ABCA7: variants seen among roughly 807,000 people sequenced by gnomAD.
ABCA7 encodes the protein ATP binding cassette subfamily A member 7.
In ABCA7, 261 loss-of-function variants were observed where a neutral mutation model predicts 227.6. The ratio of observed to expected loss-of-function variants is 1.15; its 90% CI spans 1.04 to 1.27. The LOEUF is 1.27. Ranked by LOEUF, ABCA7 falls within the 50% of genes most tolerant of loss-of-function variation. The probability of loss-of-function intolerance (pLI) is 0.00; values close to 1 mark genes in which losing one functional copy is unlikely to be tolerated. For missense variants in ABCA7, 3,331 were observed against 2,924.5 expected (o/e 1.14, Z -3.21); for synonymous variants, 1,488 against 1,279.7 (o/e 1.16, Z -3.47).
chr19:1,063,881 G>T lies in ABCA7; in HGVS notation c.5951+18G>T. The T allele has an allele frequency of 6.6e-7, 1 of 1,516,380 alleles. No homozygotes were observed. The highest frequency in any genetic ancestry group is 8.8e-7 in the Non-Finnish European group (1 of 1,131,106). The allele number at this position is 1,516,380 out of a possible 1,614,324, so 93.9% of individuals were successfully genotyped here. A position where few individuals can be genotyped will look rare whatever the true frequency, so the allele number is the denominator to read the frequency against. Reference sequence around the variant, plus strand: ...TCCCATAGGTGGGCCGGGCTCTGATGCCCTGGGCTGTGGTTAAGGTGATCC... The same window carrying T: ...TCCCATAGGTGGGCCGGGCTCTGATTCCCTGGGCTGTGGTTAAGGTGATCC... On this transcript the variant is annotated intron_variant, in intron 44 of 46. Coordinates refer to ENST00000263094, the MANE Select transcript of ABCA7 (RefSeq NM_019112.4).
At chr19:1,061,126 G>A (rs977103440) in intron 40 of ABCA7, among the ~76,000 whole-genome samples, 1 of 152,208 alleles carries the variant, frequency 6.6e-6, no homozygotes, top group Admixed American at 6.5e-5. Flanking sequence ...GCCAGGCGTG[G>A]TGGCTCACAG....
chr19:1,057,065 G>A lies in ABCA7; in HGVS notation c.4745G>A (p.Gly1582Asp), dbSNP rs2042318363. The A allele has an allele frequency of 1.2e-6, 2 of 1,612,950 alleles. No individual in the cohort carries two copies. Among genetic ancestry groups the A allele is most frequent in the East Asian group, 2.2e-5 (1 of 44,892 alleles). The stretch of plus-strand genomic sequence containing the variant: ...CTGTCCCCCACCCTCTACTGGCTTG[G>A]CAACTTTCTCTGGGACATGGTGCGG... Reference protein sequence around the residue: ...GGLSPTLYWLGNFLWDMCNYL... With the variant: ...GGLSPTLYWLDNFLWDMCNYL... The change falls in exon 34 of 47, where the codon GGC becomes GAC. Residue 1582 changes from glycine (G) to aspartate (D), a missense_variant. Transcript: ENST00000263094.
intron 16 of ABCA7, among the ~76,000 whole-genome samples, chr19:1,048,580 T>C (rs1400590971): frequency 1.5e-5 from 2 of 129,936 alleles, no homozygotes; most frequent in African/African-American, 5.9e-5. Flanking sequence ...GAGGCCGAGG[T>C]GGGCAGATCA....
Position 1,042,754 on chromosome 19 carries a change from G to A in ABCA7, c.507G>A (p.Leu169=), listed in dbSNP as rs1342998470. 1 of 1,613,374 alleles carries A rather than the reference G, an allele frequency of 6.2e-7. No individual in the cohort carries two copies. The highest frequency in any genetic ancestry group is 8.5e-7 in the Non-Finnish European group (1 of 1,179,964). ...GTGGTCTTTCTCCCCAGGAATCCCTGGGGTTGGCACTGGGCCAAGCCCAGG... is the reference window on the plus strand; with the variant it reads ...GTGGTCTTTCTCCCCAGGAATCCCTAGGGTTGGCACTGGGCCAAGCCCAGG... ...LLTSLLRTES[L]GLALGQAQEP... Residue 169 remains leucine (L), a synonymous_variant, in exon 7 of 47, where the codon CTG becomes CTA. Coordinates refer to ENST00000263094, the MANE Select transcript of ABCA7 (RefSeq NM_019112.4).
intron 11 of ABCA7, 69 bp downstream of exon 11, chr19:1,044,813 C>A: frequency 6.6e-7 from 1 of 1,524,200 alleles, no homozygotes; most frequent in African/African-American, 1.4e-5. Flanking sequence ...TGTTCCCACC[C>A]TGGTGTTCCC....
chr19:1,043,621 C>G lies in ABCA7; in HGVS notation c.931-104C>G, dbSNP rs528822740. ...GCCGATGGAGGGGGATCAGCTTGTG[C>G]GGAGGATCAGAGGCACACGCAGGAG... On this transcript the variant is annotated intron_variant, in intron 9 of 46. Transcript: ENST00000263094. 3.3e-4 allele frequency: 505 copies of G among 1,519,750 alleles called. 1 individual carries two copies. The highest frequency in any genetic ancestry group is 1.0e-4 in the Non-Finnish European group (114 of 1,104,940). 94.1% of individuals were successfully genotyped at this position (1,519,750 alleles called of 1,614,324 possible).
At position 1,061,874 on chromosome 19, in the gene ABCA7, G is replaced by A. The variant is rs138392525; in HGVS notation, c.5556G>A (p.Val1852=). ...GDTLASRGEA[V]LAGHSVAREP... The stretch of plus-strand genomic sequence containing the variant: ...CATTGGCCAGCAGGGGCGAGGCTGT[G>A]CTGGCAGGCCACAGGTGAGGGGTGC... The change falls in exon 41 of 47, where the codon GTG becomes GTA. Residue 1852 remains valine (V), a synonymous_variant. Coordinates refer to ENST00000263094, the MANE Select transcript of ABCA7 (RefSeq NM_019112.4). 1.5e-3 allele frequency: 2,463 copies of A among 1,595,750 alleles called. 52 individuals carry two copies. In the South Asian group the frequency reaches 0.026, roughly 17 times the overall value.
chr19:1,065,240 T>G, intron 46 of ABCA7, 30 bp from the exon 47 acceptor site: 8 of 1,611,442 alleles, frequency 5.0e-6, no homozygotes, highest in Non-Finnish European at 6.8e-6. Context: ...TGACCGTCCC[T>G]CTTGTCCCCT....
At position 1,055,241 on chromosome 19, in the gene ABCA7, TC is replaced by T; in HGVS notation, c.4100del (p.Pro1367LeufsTer6). On this transcript the variant is annotated frameshift_variant, in exon 30 of 47. Transcript: ENST00000263094. LOFTEE classifies it high-confidence loss of function. ...LPDCPAAAGG[P>X]PPPQAVTGSG... is the part of the protein sequence containing the mutation. ...CCGACTGCCCGGCTGCAGCTGGTGGTCCCCCTCCGCCCCAGGCAGTGACCGG... is the reference window on the plus strand; with the variant it reads ...CCGACTGCCCGGCTGCAGCTGGTGGTCCCCTCCGCCCCAGGCAGTGACCGG... 3 of 1,604,244 alleles carry T rather than the reference TC, an allele frequency of 1.9e-6. No individual in the cohort carries two copies. Among genetic ancestry groups the T allele is most frequent in the East Asian group, 2.3e-5 (1 of 44,386 alleles).
chr19:1,057,929 C>G lies in ABCA7; in HGVS notation c.4895C>G (p.Pro1632Arg). ...TGTCCCTTCAGCTGGTCGATCACAC[C>G]GCTCATGTACCCAGCCTCCTTCTTC... ...LLLLYGWSIT[P>R]LMYPASFFFS... Residue 1632 changes from proline (P) to arginine (R), a missense_variant, in exon 36 of 47, where the codon CCG becomes CGG. Coordinates refer to ENST00000263094, the MANE Select transcript of ABCA7 (RefSeq NM_019112.4). 1 of 1,614,042 alleles carries G rather than the reference C, an allele frequency of 6.2e-7. No homozygotes were observed. Among genetic ancestry groups the G allele is most frequent in the East Asian group, 2.2e-5 (1 of 44,882 alleles).
chr19:1,063,957 C>T lies in ABCA7; in HGVS notation c.5951+94C>T. Reference sequence around the variant, plus strand: ...ACAAGGCCACAGGGGATGGGGGGTCCTGGCCCTAGTGGGGCGAGGGCGCCA... The same window carrying T: ...ACAAGGCCACAGGGGATGGGGGGTCTTGGCCCTAGTGGGGCGAGGGCGCCA... On this transcript the variant is annotated intron_variant, in intron 44 of 46. Coordinates refer to ENST00000263094, the MANE Select transcript of ABCA7 (RefSeq NM_019112.4). The T allele has an allele frequency of 7.7e-6, 11 of 1,433,342 alleles. No homozygotes were observed. In the South Asian group the frequency reaches 1.3e-4, roughly 17 times the overall value. The allele number at this position is 1,433,342 out of a possible 1,614,324, so 88.8% of individuals were successfully genotyped here.
Position 1,047,008 on chromosome 19 carries a change from T to C in ABCA7, c.1829T>C (p.Leu610Pro). The C allele has an allele frequency of 1.3e-6, 2 of 1,568,858 alleles. No homozygotes were observed. Among genetic ancestry groups the C allele is most frequent in the South Asian group, 1.2e-5 (1 of 86,254 alleles). ...LGPFLLSAAL[L>P]VLVLKLGDIL... ...CCCTTCCTGCTCAGCGCCGCACTGC[T>C]GGTTCTGGTGCTCAAGGTGGGCGCG... Residue 610 changes from leucine (L) to proline (P), a missense_variant, in exon 14 of 47, where the codon CTG (leucine) becomes CCG (proline). Transcript: ENST00000263094.
rs4147934 is a variant in ABCA7 at position 1,065,019 on chromosome 19, G to T, written c.6133G>T (p.Ala2045Ser). 1,114,896 of 1,555,404 alleles carry T rather than the reference G, an allele frequency of 0.72. 403,114 individuals carry two copies. Among genetic ancestry groups the T allele is most frequent in the Admixed American group, 0.8 (41,729 of 52,124 alleles). The change falls in exon 46 of 47, where the codon GCG becomes TCG. Residue 2045 changes from alanine (A) to serine (S), a missense_variant. Transcript: ENST00000263094. ...CTTCGTGGCGGCCGAGTTCCCTGGG[G>T]CGGAGCTGCGCGAGGCACATGGAGG... ...AAFVAAEFPG[A>S]ELREAHGGRL...
chr19:1,052,614 G>A (rs555160090), intron 23 of ABCA7, among the ~76,000 whole-genome samples: 22 of 180 alleles, frequency 0.12, 6 homozygotes, highest in Non-Finnish European at 0.15. Context: ...GGGGGAGGAG[G>A]AGGGGGAGGG....
Position 1,042,332 on chromosome 19 carries a change from A to G in ABCA7, c.433A>G (p.Lys145Glu), listed in dbSNP as rs372562028. ...ARSTAQPQPT[K>E]QSPLEPPMLD... is the part of the protein sequence containing the mutation. ...TCCCCCAGCCCAGCCTCAACCAACC[A>G]AGCAGTCTCCACTGGAACCACCCAT... Residue 145 changes from lysine (K) to glutamate (E), a missense_variant, in exon 6 of 47, where the codon AAG becomes GAG. Coordinates refer to ENST00000263094, the MANE Select transcript of ABCA7 (RefSeq NM_019112.4). The G allele has an allele frequency of 1.9e-6, 3 of 1,583,318 alleles. No individual in the cohort carries two copies. Among genetic ancestry groups the G allele is most frequent in the Non-Finnish European group, 1.7e-6 (2 of 1,159,436 alleles).
At chr19:1,051,819 G>C in intron 21 of ABCA7, 123 bp from the exon 22 acceptor site, 1 of 1,352,304 alleles carries the variant, frequency 7.4e-7, no homozygotes, top group Non-Finnish European at 1.0e-6. Flanking sequence ...AGGTTCTGGG[G>C]ATGAGGTTTT....
intron 16 of ABCA7, 35 bp downstream of exon 16, chr19:1,047,689 G>A: frequency 3.9e-6 from 6 of 1,543,526 alleles, no homozygotes; most frequent in South Asian, 1.2e-5. Context: ...GGGCCGGGTC[G>A]CACCTGCTTT....
intron 30 of ABCA7, 31 bp from the exon 31 acceptor site, chr19:1,055,876 C>T: frequency 6.4e-7 from 1 of 1,556,566 alleles, no homozygotes; most frequent in Non-Finnish European, 8.7e-7. Context: ...ACATCCCTGT[C>T]TGCCTGTGTC....
Position 1,046,374 on chromosome 19 carries a change from G to A in ABCA7, c.1590G>A (p.Gln530=), listed in dbSNP as rs1210609880. The part of the protein sequence containing the change: ...GANPRAGLYL[Q]QMPYPCYVDD... ...ACCCCCGGGCCGGCCTCTACCTGCA[G>A]CAGATGCCCTATCCGTGCTATGTGG... The change falls in exon 13 of 47, where the codon CAG becomes CAA. Residue 530 remains glutamine, a synonymous_variant. Coordinates refer to ENST00000263094, the MANE Select transcript of ABCA7 (RefSeq NM_019112.4). 16 of 1,588,618 alleles carry A rather than the reference G, an allele frequency of 1.0e-5. No homozygotes were observed. Among genetic ancestry groups the A allele is most frequent in the Middle Eastern group, 1.7e-4 (1 of 5,992 alleles).
Sources: allele counts gnomAD v4.1 joint callset (sites outside exome capture counted in the v4.1 genomes callset), GRCh38; gene constraint gnomAD v4.1.1; transcripts MANE v1.5; gene names NCBI Gene and HGNC (gene_info 2026-07-23, HGNC 2026-07-21).